GTF2IRD1: variants seen among roughly 807,000 people sequenced by gnomAD.
The protein encoded by GTF2IRD1 is GTF2I repeat domain containing 1.
GTF2IRD1 carries 26 observed loss-of-function variants against 113.2 expected under a neutral mutation model. The observed-to-expected ratio is 0.23, with a 90% CI of 0.17 to 0.32. The LOEUF is 0.32. Among genes scored for constraint, GTF2IRD1 ranks in the 10% least tolerant of loss-of-function variants. The pLI is 1.00. For synonymous variants in GTF2IRD1, 484 were observed against 529.1 expected, an observed-to-expected ratio of 0.91 and a Z score of 1.17; for missense variants, 864 against 1,280.8, an observed-to-expected ratio of 0.67 and a Z score of 4.97.
At chr7:74,473,585 C>T (rs1465027700) in intron 1 of GTF2IRD1, among the ~76,000 whole-genome samples, 2 of 152,090 alleles carry the variant, frequency 1.3e-5, no homozygotes, top group African/African-American at 4.8e-5. Context: ...CCACTGCGCA[C>T]GGCTTTGGGG....
At chr7:74,500,055 C>G (rs1554339036) in intron 1 of GTF2IRD1, among the ~76,000 whole-genome samples, 1 of 152,208 alleles carries the variant, frequency 6.6e-6, no homozygotes, top group African/African-American at 2.4e-5. Flanking sequence ...GAGAGATCCC[C>G]AGATGAGGGA....
At chr7:74,592,623 C>G (rs1216444631) in intron 24 of GTF2IRD1, among the ~76,000 whole-genome samples, 1 of 151,976 alleles carries the variant, frequency 6.6e-6, no homozygotes, top group African/African-American at 2.4e-5. Context: ...CAACCTCCAC[C>G]TCCCAGATTC....
At chr7:74,601,278 G>A (rs1252212504) in intron 26 of GTF2IRD1, 98 bp downstream of exon 26, 24 of 1,549,158 alleles carry the variant, frequency 1.5e-5, no homozygotes, top group East Asian at 1.5e-4. Flanking sequence ...CCCAGGGGAC[G>A]GGGAGGCACT....
At position 74,560,481 on chromosome 7, in the gene GTF2IRD1, AAT is replaced by A. The variant is rs1168727127; in HGVS notation, c.2320+834_2320+835del. 1.4e-4 allele frequency among the ~76,000 whole-genome samples: 20 copies of A among 147,290 alleles called. 1 individual carries two copies. Among genetic ancestry groups the A allele is most frequent in the African/African-American group, 2.5e-5 (1 of 40,682 alleles). ...ATAATAAAATATATACATAATAAAA[AAT>A]ATATATAATAAAAATATTATATATA... On this transcript the variant is annotated intron_variant, in intron 22 of 26. Transcript: ENST00000424337.
chr7:74,467,356 G>A (rs1554331153), intron 1 of GTF2IRD1, among the ~76,000 whole-genome samples: 1 of 152,322 alleles, frequency 6.6e-6, no homozygotes, highest in South Asian at 2.1e-4. Context: ...GGGCAGTGGC[G>A]ATGGCAGTGG....
chr7:74,512,898 G>C lies in GTF2IRD1; in HGVS notation c.192G>C (p.Val64=). The part of the protein sequence containing the change: ...CVAVHDESAF[V]VGTEKGRMFL... ...CCGTGCACGATGAGAGCGCCTTTGT[G>C]GTGGGCACAGAGAAGGGGAGAATGT... The change falls in exon 3 of 27, where the codon GTG becomes GTC. Residue 64 remains valine (V), a synonymous_variant. Transcript: ENST00000424337. This position sits in a 1 kb window ranked among gnomAD's most constrained non-coding sequence, Gnocchi z 4.4. 2 of 1,614,128 alleles carry C rather than the reference G, an allele frequency of 1.2e-6. No individual in the cohort carries two copies. The highest frequency in any genetic ancestry group is 3.3e-5 in the Admixed American group (2 of 60,026).
intron 17 of GTF2IRD1, 96 bp downstream of exon 17, chr7:74,547,382 C>T (rs1799006219): frequency 1.1e-6 from 1 of 929,312 alleles, no homozygotes; most frequent in African/African-American, 1.7e-5. Context: ...ATTCTTGTGC[C>T]TCAGCCACCT....
chr7:74,557,107 G>A (rs1799646341), intron 19 of GTF2IRD1, among the ~76,000 whole-genome samples: 1 of 152,142 alleles, frequency 6.6e-6, no homozygotes, highest in Admixed American at 6.6e-5. Context: ...TTAGCCAGGT[G>A]CGGTGGTGCA....
intron 1 of GTF2IRD1, among the ~76,000 whole-genome samples, chr7:74,459,331 G>T (rs1243195488): frequency 2.0e-5 from 3 of 151,906 alleles, no homozygotes; most frequent in Non-Finnish European, 4.4e-5. Flanking sequence ...AGTGGCGGGC[G>T]CCTGTAATCC....
At chr7:74,459,655 C>T (rs1346520557) in intron 1 of GTF2IRD1, among the ~76,000 whole-genome samples, 2 of 152,126 alleles carry the variant, frequency 1.3e-5, no homozygotes, top group Admixed American at 6.6e-5. Context: ...TTCAGGTTGC[C>T]AGATTTAGCA....
At chr7:74,547,953 T>G (rs1488345980) in intron 17 of GTF2IRD1, among the ~76,000 whole-genome samples, 2 of 151,704 alleles carry the variant, frequency 1.3e-5, no homozygotes, top group East Asian at 3.9e-4. Flanking sequence ...CAGGCTGGCG[T>G]GTTGGTGTCC....
intron 1 of GTF2IRD1, among the ~76,000 whole-genome samples, chr7:74,470,826 C>T (rs782038346): frequency 1.3e-4 from 19 of 151,748 alleles, no homozygotes; most frequent in African/African-American, 4.1e-4. Flanking sequence ...TTTTTCGAGA[C>T]GGAGCCTTGC....
chr7:74,496,004 G>A (rs1554337762), intron 1 of GTF2IRD1, among the ~76,000 whole-genome samples: 8 of 151,030 alleles, frequency 5.3e-5, no homozygotes. Flanking sequence ...CTGGCCCCAG[G>A]AGGACTTGGA....
chr7:74,515,978 G>A (rs973870553), intron 4 of GTF2IRD1, among the ~76,000 whole-genome samples: 2 of 152,052 alleles, frequency 1.3e-5, no homozygotes, highest in Non-Finnish European at 2.9e-5. Context: ...CACAGCCTTC[G>A]GGGGCTCCCC....
intron 1 of GTF2IRD1, among the ~76,000 whole-genome samples, chr7:74,475,406 G>A (rs1794341584): frequency 6.6e-6 from 1 of 152,240 alleles, no homozygotes; most frequent in Non-Finnish European, 1.5e-5. Context: ...GGGGAAGGAA[G>A]TTCTCCAGCA....
intron 12 of GTF2IRD1, 69 bp downstream of exon 12, chr7:74,538,242 C>A: frequency 6.7e-7 from 1 of 1,495,630 alleles, no homozygotes. Context: ...TACCCGGCAG[C>A]CTTGGGGAGG....
intron 1 of GTF2IRD1, among the ~76,000 whole-genome samples, chr7:74,486,822 G>GA (rs1224706012): frequency 3.3e-5 from 5 of 150,966 alleles, no homozygotes; most frequent in African/African-American, 4.9e-5. Flanking sequence ...AAAAAAAAAT[G>GA]AAAAAAAATA....
chr7:74,567,591 A>G (rs1800399489), intron 22 of GTF2IRD1, among the ~76,000 whole-genome samples: 1 of 152,162 alleles, frequency 6.6e-6, no homozygotes, highest in African/African-American at 2.4e-5. Flanking sequence ...CCAAGGACCA[A>G]GCACCAAAGT....
rs1014600387 is a variant in GTF2IRD1 at position 74,476,359 on chromosome 7, G to A, written c.-7+22183G>A. ...TTCCACGCCCGCTTGGAAGCCTTCTGAACCTCCTTTTTTTTTTTCTTTTGA... is the reference window on the plus strand; with the variant it reads ...TTCCACGCCCGCTTGGAAGCCTTCTAAACCTCCTTTTTTTTTTTCTTTTGA... On this transcript the variant is annotated intron_variant, in intron 1 of 26. Transcript: ENST00000424337. 7.4e-5 allele frequency among the ~76,000 whole-genome samples: 5 copies of A among 67,206 alleles called. No individual in the cohort carries two copies. In the Admixed American group the frequency reaches 8.8e-4, roughly 12 times the overall value. 44.1% of individuals were successfully genotyped at this position (67,206 alleles called of 152,430 possible).
Sources: allele counts gnomAD v4.1 joint callset (sites outside exome capture counted in the v4.1 genomes callset), GRCh38; gene constraint gnomAD v4.1.1; non-coding constraint Gnocchi (gnomAD v3.1); transcripts MANE v1.5; gene names NCBI Gene and HGNC (gene_info 2026-07-23, HGNC 2026-07-21).